TTC28: variants seen among roughly 807,000 people sequenced by gnomAD.
TTC28 encodes tetratricopeptide repeat protein 28.
A neutral mutation model predicts 198.0 loss-of-function variants in TTC28; 61 were observed. The ratio of observed to expected loss-of-function variants is 0.31; its 90% CI spans 0.25 to 0.38. The LOEUF (loss-of-function observed/expected upper bound fraction) is 0.38, where lower values mean the gene tolerates loss of function less well. TTC28 is among the 10% of genes least tolerant of loss of function. The pLI, the probability that TTC28 is intolerant of heterozygous loss-of-function variation, is 1.00. For synonymous variants in TTC28, 1,171 were observed against 1,297.8 expected (o/e 0.90, Z 2.10); for missense variants, 2,678 against 3,164.0 (o/e 0.85, Z 3.69).
chr22:28,402,699 T>C (rs1358602647), intron 2 of TTC28, among the ~76,000 whole-genome samples: 1 of 152,218 alleles, frequency 6.6e-6, no homozygotes, highest in East Asian at 1.9e-4. Context: ...GACCCACTCT[T>C]AAGACTCAGT....
At chr22:28,131,387 T>C (rs576106255) in intron 6 of TTC28, among the ~76,000 whole-genome samples, 2 of 152,244 alleles carry the variant, frequency 1.3e-5, no homozygotes, top group Non-Finnish European at 2.9e-5. Context: ...TTGTAGACAA[T>C]GATGGGCTAT....
In TTC28 at chr22:28,056,643, TA is replaced by T. The variant is rs918917079; in HGVS notation, c.3933-26278del. On this transcript the variant is annotated intron_variant, in intron 12 of 22. Transcript: ENST00000397906. The stretch of plus-strand genomic sequence containing the variant: ...TTTTTAATATAAAATTTATATACAA[TA>T]AAAAATATAAATAACTACATAAAAT... 5.9e-5 allele frequency among the ~76,000 whole-genome samples: 9 copies of T among 152,182 alleles called. No individual in the cohort carries two copies. The Middle Eastern group carries it at 0.01, about 173-fold the overall frequency.
At chr22:28,166,545 A>C (rs567791309) in intron 5 of TTC28, among the ~76,000 whole-genome samples, 1 of 152,366 alleles carries the variant, frequency 6.6e-6, no homozygotes, top group South Asian at 2.1e-4. Flanking sequence ...ACTACATGGA[A>C]ACTAAACAAC....
At chr22:28,522,271 A>G (rs781755330) in intron 2 of TTC28, among the ~76,000 whole-genome samples, 1 of 152,146 alleles carries the variant, frequency 6.6e-6, no homozygotes, top group Admixed American at 6.5e-5. Flanking sequence ...GTGGATTACC[A>G]GAGTCAGGAG....
chr22:28,252,341 T>A (rs1569222475), intron 5 of TTC28, among the ~76,000 whole-genome samples: 1 of 152,186 alleles, frequency 6.6e-6, no homozygotes, highest in Non-Finnish European at 1.5e-5. Flanking sequence ...TTCCAACTAC[T>A]GAAATGTGCT....
intron 2 of TTC28, among the ~76,000 whole-genome samples, chr22:28,371,532 G>A (rs2046334320): frequency 9.8e-5 from 3 of 30,718 alleles, no homozygotes; most frequent in Admixed American, 4.2e-4. Context: ...AAAAAAAAGA[G>A]TTCAGAAAAC....
intron 2 of TTC28, among the ~76,000 whole-genome samples, chr22:28,565,633 A>C (rs1020671638): frequency 6.6e-6 from 1 of 152,230 alleles, no homozygotes; most frequent in Non-Finnish European, 1.5e-5. Context: ...ATAACTGAGA[A>C]TGGCTGATTC....
At chr22:28,413,606 T>C (rs16986390) in intron 2 of TTC28, among the ~76,000 whole-genome samples, 2,453 of 152,236 alleles carry the variant, frequency 0.016, 88 homozygotes, top group African/African-American at 0.057. Flanking sequence ...GGGGAATTAA[T>C]TTTGCTATAG....
At chr22:28,175,061 G>A (rs1923033109) in intron 5 of TTC28, among the ~76,000 whole-genome samples, 1 of 150,078 alleles carries the variant, frequency 6.7e-6, no homozygotes, top group Non-Finnish European at 1.5e-5. Context: ...TTTAATATTT[G>A]CATGCAGAAG....
chr22:28,313,482 A>G (rs1433380558), intron 2 of TTC28, among the ~76,000 whole-genome samples: 4 of 152,208 alleles, frequency 2.6e-5, no homozygotes, highest in African/African-American at 7.2e-5. Context: ...TGGCAAACCG[A>G]ATCCAGCAGC....
intron 2 of TTC28, among the ~76,000 whole-genome samples, chr22:28,430,882 TA>T (rs1482583850): frequency 1.8e-5 from 2 of 109,614 alleles, no homozygotes; most frequent in Non-Finnish European, 4.0e-5. Flanking sequence ...CTTACCATTG[TA>T]AAAGAAAAAA....
chr22:28,355,024 C>T (rs1404294066), intron 2 of TTC28, among the ~76,000 whole-genome samples: 9 of 139,462 alleles, frequency 6.5e-5, no homozygotes, highest in Non-Finnish European at 1.5e-5. Context: ...TACTTAAAAA[C>T]ACAGGATCTC....
chr22:28,617,199 A>C (rs2050916908), intron 2 of TTC28, among the ~76,000 whole-genome samples: 1 of 152,120 alleles, frequency 6.6e-6, no homozygotes, highest in African/African-American at 2.4e-5. Flanking sequence ...TAAAGTAGAT[A>C]TAATTAAAAA....
intron 14 of TTC28, among the ~76,000 whole-genome samples, chr22:28,003,072 T>C (rs767709363): frequency 6.6e-6 from 1 of 152,038 alleles, no homozygotes; most frequent in Non-Finnish European, 1.5e-5. Flanking sequence ...CAGGAAGAAG[T>C]AGGGGTGTGT....
At chr22:28,143,324 G>T (rs1243934424) in intron 6 of TTC28, among the ~76,000 whole-genome samples, 1 of 152,200 alleles carries the variant, frequency 6.6e-6, no homozygotes, top group African/African-American at 2.4e-5. Flanking sequence ...GATGCTTACA[G>T]TCAGAAAAGG....
chr22:28,509,559 A>G (rs1404312914), intron 2 of TTC28, among the ~76,000 whole-genome samples: 1 of 152,228 alleles, frequency 6.6e-6, no homozygotes, highest in Non-Finnish European at 1.5e-5. Flanking sequence ...GTATAGTATT[A>G]CATGCCCAAA....
intron 2 of TTC28, among the ~76,000 whole-genome samples, chr22:28,527,359 GCATGCATTAATGCCGCCTCTT>G (rs1176906570): frequency 6.6e-6 from 1 of 152,244 alleles, no homozygotes; most frequent in East Asian, 1.9e-4. Context: ...CAGGCTTCCT[GCATGCATTAATGCCGCCTCTT>G]CCTCTGCACT....
intron 5 of TTC28, among the ~76,000 whole-genome samples, chr22:28,273,153 T>C (rs1457455008): frequency 2.0e-5 from 3 of 152,132 alleles, no homozygotes; most frequent in African/African-American, 7.2e-5. Context: ...GATGATCTAC[T>C]CCTACTCTAA....
chr22:28,485,063 A>C (rs773074557), intron 2 of TTC28, among the ~76,000 whole-genome samples: 9 of 152,214 alleles, frequency 5.9e-5, no homozygotes, highest in African/African-American at 2.2e-4. Context: ...CAACTGCCAG[A>C]TATCAGCTAT....
Sources: allele counts gnomAD v4.1 joint callset (sites outside exome capture counted in the v4.1 genomes callset), GRCh38; gene constraint gnomAD v4.1.1; transcripts MANE v1.5; gene names NCBI Gene and HGNC (gene_info 2026-07-23, HGNC 2026-07-21).